The following INTS8 variants were observed in gnomAD, a reference collection of about 807,000 sequenced individuals.
The protein encoded by INTS8 is protein kaonashi-1.
Under a neutral mutation model 138.9 loss-of-function variants are expected in INTS8, and 47 were observed. The observed-to-expected ratio is 0.34, with a 90% CI of 0.27 to 0.43. The LOEUF (loss-of-function observed/expected upper bound fraction) is 0.43. Among genes scored for constraint, INTS8 ranks in the 20% least tolerant of loss-of-function variants. The pLI, the probability that INTS8 is intolerant of heterozygous loss-of-function variation, is 1.00. For synonymous variants in INTS8, 392 were observed against 400.9 expected (o/e 0.98, Z 0.27); for missense variants, 996 against 1,173.0 (o/e 0.85, Z 2.20).
At position 94,851,576 on chromosome 8, in the gene INTS8, C is replaced by A; in HGVS notation, c.1531C>A (p.Gln511Lys). ...IPASASVNIG[Q>K]LEHQLILSVD... ...AGCTTCAGCAAGTGTCAACATTGGT[C>A]AGTTAGAGCATCAACTTATATTGTC... The change falls in exon 13 of 27, where the codon CAG becomes AAG. Residue 511 changes from glutamine to lysine, a missense_variant. Transcript: ENST00000523731. 1 of 1,584,762 alleles carries A rather than the reference C, an allele frequency of 6.3e-7. No individual in the cohort carries two copies. Among genetic ancestry groups the A allele is most frequent in the South Asian group, 1.2e-5 (1 of 85,324 alleles).
intron 14 of INTS8, among the ~76,000 whole-genome samples, chr8:94,855,881 T>C (rs568406964): frequency 6.6e-6 from 1 of 152,306 alleles, no homozygotes; most frequent in African/African-American, 2.4e-5. Context: ...AGAAACACAT[T>C]TTTGCAGGGC....
intron 16 of INTS8, among the ~76,000 whole-genome samples, chr8:94,864,405 A>G (rs1162040767): frequency 6.6e-6 from 1 of 152,142 alleles, no homozygotes; most frequent in Non-Finnish European, 1.5e-5. Context: ...AACAAGGGTA[A>G]AGGGGCCCAG....
At chr8:94,824,767 A>G in intron 1 of INTS8, 126 bp from the exon 2 acceptor site, 1 of 298,604 alleles carries the variant, frequency 3.3e-6, no homozygotes, top group South Asian at 3.0e-5. Flanking sequence ...CTTTTGTGGC[A>G]AAAAAAAAAC....
chr8:94,856,870 T>C lies in INTS8; in HGVS notation c.1846T>C (p.Leu616=). 6.2e-7 allele frequency: 1 copy of C among 1,614,152 alleles called. No individual in the cohort carries two copies. The highest frequency in any genetic ancestry group is 1.1e-5 in the South Asian group (1 of 91,080). Residue 616 remains leucine, a synonymous_variant, in exon 15 of 27, where the codon TTG becomes CTG. Transcript: ENST00000523731. The part of the protein sequence containing the change: ...KLRQVMLNEM[L]LLDIHTHEAG... The stretch of plus-strand genomic sequence containing the variant: ...TCGTCAGGTCATGCTGAATGAGATG[T>C]TGCTTTTGGATATTCATACACACGA...
intron 10 of INTS8, among the ~76,000 whole-genome samples, chr8:94,847,707 T>A (rs913480724): frequency 4.6e-5 from 7 of 152,298 alleles, no homozygotes; most frequent in African/African-American, 1.4e-4. Flanking sequence ...TTTCTTTTTT[T>A]AAATTGAAGT....
chr8:94,877,925 A>G (rs889071169), intron 26 of INTS8, among the ~76,000 whole-genome samples: 5 of 152,260 alleles, frequency 3.3e-5, no homozygotes, highest in African/African-American at 7.2e-5. Context: ...AACAAATACT[A>G]TTCTGCACAC....
chr8:94,859,937 A>C, intron 16 of INTS8: 1 of 221,942 alleles, frequency 4.5e-6, no homozygotes, highest in African/African-American at 2.3e-5. Flanking sequence ...CTCTAATCAC[A>C]CTCTAGAACT....
chr8:94,838,044 CTTTTT>C (rs776858651), intron 7 of INTS8, among the ~76,000 whole-genome samples: 2 of 134,326 alleles, frequency 1.5e-5, no homozygotes, highest in Non-Finnish European at 3.2e-5. Context: ...TTTTTCTTTT[CTTTTT>C]TTTTTTTTTT....
rs1370336308 is a variant in INTS8 at position 94,832,032 on chromosome 8, C to G, written c.611C>G (p.Ala204Gly). 6.2e-7 allele frequency: 1 copy of G among 1,610,896 alleles called. No homozygotes were observed. The highest frequency in any genetic ancestry group is 8.5e-7 in the Non-Finnish European group (1 of 1,179,034). ...GCTGATTCTATTTTGGTACTAGAAG[C>G]AGCCCTAAAATTAAACAAGGATCTT... ...QAADSILVLE[A>G]ALKLNKDLYV... Residue 204 changes from alanine (A) to glycine (G), a missense_variant, in exon 6 of 27, where the codon GCA (alanine) becomes GGA (glycine). Coordinates refer to ENST00000523731, the MANE Select transcript of INTS8 (RefSeq NM_017864.4).
At chr8:94,846,448 A>G (rs1417023388) in intron 10 of INTS8, among the ~76,000 whole-genome samples, 4 of 151,820 alleles carry the variant, frequency 2.6e-5, no homozygotes. Flanking sequence ...CTAATTTTGT[A>G]TATTTCGTAG....
At chr8:94,825,325 G>A (rs542256231) in intron 2 of INTS8, among the ~76,000 whole-genome samples, 1 of 152,076 alleles carries the variant, frequency 6.6e-6, no homozygotes, top group Admixed American at 6.6e-5. Flanking sequence ...TCAGCTACTT[G>A]GGAGGCTGAG....
rs1431532174 is a variant in INTS8, at chr8:94,823,556, G to T, written c.125G>T (p.Cys42Phe). ...SLLEKHLRKP[C>F]PDPAPVQLIV... ...TTGGAGAAACATCTGCGCAAGCCCT[G>T]CCCGGGTGAGCGCGGCGCCTGCACC... The change falls in exon 1 of 27, where the codon TGC becomes TTC. Residue 42 changes from cysteine to phenylalanine, a missense_variant. Coordinates refer to ENST00000523731, the MANE Select transcript of INTS8 (RefSeq NM_017864.4). 1.9e-6 allele frequency: 3 copies of T among 1,571,328 alleles called. No individual in the cohort carries two copies. Among genetic ancestry groups the T allele is most frequent in the Non-Finnish European group, 2.6e-6 (3 of 1,160,186 alleles).
intron 22 of INTS8, chr8:94,873,757 C>A: frequency 4.2e-6 from 1 of 239,456 alleles, no homozygotes; most frequent in African/African-American, 2.3e-5. Flanking sequence ...AATAAATTCA[C>A]CTGTCCTTTC....
At chr8:94,852,734 A>G (rs181894603) in intron 13 of INTS8, among the ~76,000 whole-genome samples, 1 of 152,066 alleles carries the variant, frequency 6.6e-6, no homozygotes, top group East Asian at 2.0e-4. Flanking sequence ...GATTACAGGC[A>G]TGCCCCCACC....
intron 6 of INTS8, among the ~76,000 whole-genome samples, chr8:94,834,249 C>CTAG (rs1232966666): frequency 6.6e-6 from 1 of 152,034 alleles, no homozygotes; most frequent in Non-Finnish European, 1.5e-5. Flanking sequence ...ATTGTAATGG[C>CTAG]TAGTCAGTTG....
In INTS8 at chr8:94,838,433, G is replaced by A; in HGVS notation, c.862-30G>A. On this transcript the variant is annotated intron_variant, in intron 7 of 26. Transcript: ENST00000523731. Reference sequence around the variant, plus strand: ...AGACTATTGTTTATATTACATGAATGGATAATGGTGTATACCTCTTACTTT... The same window carrying A: ...AGACTATTGTTTATATTACATGAATAGATAATGGTGTATACCTCTTACTTT... 2.6e-6 allele frequency: 4 copies of A among 1,550,736 alleles called. No homozygotes were observed. In the South Asian group the frequency reaches 4.5e-5, roughly 17 times the overall value.
intron 18 of INTS8, 50 bp from the exon 19 acceptor site, chr8:94,867,090 A>C: frequency 1.5e-6 from 2 of 1,364,830 alleles, no homozygotes; most frequent in South Asian, 2.6e-5. Flanking sequence ...GAGCAATATT[A>C]AATAAATATA....
At chr8:94,858,136 G>T (rs570484885) in intron 15 of INTS8, among the ~76,000 whole-genome samples, 1 of 152,072 alleles carries the variant, frequency 6.6e-6, no homozygotes, top group Non-Finnish European at 1.5e-5. Flanking sequence ...AGTTAAAGCC[G>T]TTTCTTATTT....
At chr8:94,870,215 C>T (rs969153778) in intron 20 of INTS8, among the ~76,000 whole-genome samples, 1 of 151,964 alleles carries the variant, frequency 6.6e-6, no homozygotes, top group Non-Finnish European at 1.5e-5. Flanking sequence ...CCATGCCTGG[C>T]TAATTTTTTG....
Sources: allele counts gnomAD v4.1 joint callset (sites outside exome capture counted in the v4.1 genomes callset), GRCh38; gene constraint gnomAD v4.1.1; transcripts MANE v1.5; gene names NCBI Gene and HGNC (gene_info 2026-07-23, HGNC 2026-07-21).